Variants in CAMSAP1 observed in about 807,000 individuals in gnomAD.
CAMSAP1 encodes calmodulin regulated spectrin associated protein 1, also known as calmodulin-regulated spectrin-associated protein 1.
CAMSAP1 carries 58 observed loss-of-function variants against 143.5 expected under a neutral mutation model. The ratio of observed to expected loss-of-function variants is 0.40; its 90% CI spans 0.33 to 0.50. CAMSAP1 has a LOEUF of 0.50. Ranked by LOEUF, CAMSAP1 falls within the 20% of genes least tolerant of loss-of-function variation. CAMSAP1 has a pLI of 0.45. For missense variants in CAMSAP1, 1,969 were observed against 2,115.7 expected, an observed-to-expected ratio of 0.93 and a Z score of 1.36; for synonymous variants, 945 against 859.3, an observed-to-expected ratio of 1.10 and a Z score of -1.74.
intron 1 of CAMSAP1, among the ~76,000 whole-genome samples, chr9:135,895,762 G>A (rs560481714): frequency 1.4e-4 from 21 of 152,162 alleles, no homozygotes; most frequent in South Asian, 1.2e-3. Context: ...GAGCAAGGGC[G>A]GCTAAATGGA....
At chr9:135,855,660 G>T (rs1368056080) in intron 5 of CAMSAP1, among the ~76,000 whole-genome samples, 3 of 148,866 alleles carry the variant, frequency 2.0e-5, no homozygotes, top group Non-Finnish European at 4.5e-5. Flanking sequence ...AGAATTGCTT[G>T]AATCCAGGTG....
chr9:135,847,288 G>C (rs1310334108), intron 7 of CAMSAP1, among the ~76,000 whole-genome samples: 2 of 152,120 alleles, frequency 1.3e-5, no homozygotes, highest in African/African-American at 4.8e-5. Context: ...CCGGGAGGTG[G>C]AGCTTGCAGT....
intron 7 of CAMSAP1, among the ~76,000 whole-genome samples, chr9:135,842,882 G>C (rs573891560): frequency 6.6e-6 from 1 of 152,316 alleles, no homozygotes; most frequent in African/African-American, 2.4e-5. Context: ...ACTGCAAAAA[G>C]ATGCCAAATT....
intron 3 of CAMSAP1, among the ~76,000 whole-genome samples, chr9:135,869,511 A>C (rs1001415349): frequency 6.6e-6 from 1 of 152,012 alleles, no homozygotes; most frequent in Non-Finnish European, 1.5e-5. Context: ...TCAAACAAAA[A>C]AAAAAAAAAA....
intron 7 of CAMSAP1, among the ~76,000 whole-genome samples, chr9:135,841,487 C>G (rs974358763): frequency 2.0e-5 from 3 of 152,230 alleles, no homozygotes; most frequent in Admixed American, 6.5e-5. Context: ...CCCAGCACAG[C>G]GCTCAAGCTC....
At chr9:135,875,834 TAGA>T (rs1837728263) in intron 3 of CAMSAP1, among the ~76,000 whole-genome samples, 1 of 152,180 alleles carries the variant, frequency 6.6e-6, no homozygotes, top group Non-Finnish European at 1.5e-5. Flanking sequence ...AAAAAACGTC[TAGA>T]AGAAAACATA....
chr9:135,838,524 T>G (rs911066571), intron 7 of CAMSAP1, among the ~76,000 whole-genome samples: 10 of 148,020 alleles, frequency 6.8e-5, no homozygotes, highest in Non-Finnish European at 1.3e-4. Flanking sequence ...TCACGCACTT[T>G]CCACCCATTC....
At chr9:135,891,613 C>T (rs1243396726) in intron 1 of CAMSAP1, among the ~76,000 whole-genome samples, 3 of 152,194 alleles carry the variant, frequency 2.0e-5, no homozygotes, top group African/African-American at 4.8e-5. Flanking sequence ...GACCCAGAAA[C>T]CAGTCTCACA....
In CAMSAP1 at chr9:135,811,652, G is replaced by A. The variant is rs1449209206; in HGVS notation, c.4507-41C>T. ...AAAGGGGAAGAGACAAACACTTCAG[G>A]GCCACTCCAATTGCCACGAGTTGGG... On this transcript the variant is annotated intron_variant, in intron 16 of 16. Transcript: ENST00000389532. This position sits in a 1 kb window ranked among gnomAD's most constrained non-coding sequence, Gnocchi z 4.9. 6.5e-7 allele frequency: 1 copy of A among 1,539,898 alleles called. No homozygotes were observed. Among genetic ancestry groups the A allele is most frequent in the African/African-American group, 1.4e-5 (1 of 72,958 alleles).
Position 135,864,161 on chromosome 9 carries a change from AC to A in CAMSAP1, c.667-1554del, listed in dbSNP as rs201115674. On this transcript the variant is annotated intron_variant, in intron 4 of 16. Coordinates refer to ENST00000389532, the MANE Select transcript of CAMSAP1 (RefSeq NM_015447.4). The stretch of plus-strand genomic sequence containing the variant: ...CTATCTAATAAAAAAGCATTAAGGG[AC>A]CCACCACCCTTGGTAACATGTTTCT... Among the ~76,000 whole-genome samples the A allele has an allele frequency of 1.7e-3, 256 of 152,122 alleles. 4 individuals carry two copies. Among genetic ancestry groups the A allele is most frequent in the East Asian group, 0.013 (67 of 5,178 alleles).
At chr9:135,890,007 G>A (rs1042104874) in intron 1 of CAMSAP1, among the ~76,000 whole-genome samples, 1 of 152,184 alleles carries the variant, frequency 6.6e-6, no homozygotes, top group Non-Finnish European at 1.5e-5. Context: ...GAGGCATGGA[G>A]CAAAGGTGGG....
chr9:135,829,689 C>T (rs1041680468), intron 7 of CAMSAP1, among the ~76,000 whole-genome samples: 4 of 151,606 alleles, frequency 2.6e-5, no homozygotes, highest in Admixed American at 6.6e-5. Context: ...TCCATGTCTA[C>T]CGAAAAAACA....
chr9:135,867,040 TTAAG>T (rs974761749), intron 3 of CAMSAP1, among the ~76,000 whole-genome samples: 1 of 152,188 alleles, frequency 6.6e-6, no homozygotes, highest in African/African-American at 2.4e-5. Flanking sequence ...TCTTAGAAAT[TTAAG>T]TATTCTCTCC....
intron 7 of CAMSAP1, among the ~76,000 whole-genome samples, chr9:135,848,510 C>T (rs1438553178): frequency 2.0e-5 from 3 of 152,142 alleles, no homozygotes; most frequent in Admixed American, 1.3e-4. Context: ...CCCAGACACA[C>T]ACACACACAC....
chr9:135,836,182 A>C (rs1836027509), intron 7 of CAMSAP1: 1 of 984,966 alleles, frequency 1.0e-6, no homozygotes, highest in Admixed American at 6.2e-5. Flanking sequence ...ACATCACCAC[A>C]TACCTTTACC....
rs1280507655 is a variant in CAMSAP1, at chr9:135,882,024, G to T, written c.424-230C>A. 1.3e-5 allele frequency among the ~76,000 whole-genome samples: 2 copies of T among 152,230 alleles called. No homozygotes were observed. Among genetic ancestry groups the T allele is most frequent in the African/African-American group, 4.8e-5 (2 of 41,454 alleles). On this transcript the variant is annotated intron_variant, in intron 2 of 16. Transcript: ENST00000389532. This position sits in a 1 kb window ranked among gnomAD's most constrained non-coding sequence, Gnocchi z 4.9. ...GTCTGGAACCAGGAGTCCGTTCTCA[G>T]GCAGGCAGGCCAGCCCTGTGGCCCA...
chr9:135,851,037 G>A (rs978631369), intron 5 of CAMSAP1, among the ~76,000 whole-genome samples: 3 of 152,158 alleles, frequency 2.0e-5, no homozygotes, highest in African/African-American at 7.2e-5. Context: ...TCCATTGCAC[G>A]TGACTTTGCA....
At position 135,818,427 on chromosome 9, in the gene CAMSAP1, G is replaced by T. The variant is rs776261849; in HGVS notation, c.4149C>A (p.Gly1383=). ...GCTTACGGGTGGAGGAGCACTTGGT[G>T]CCGGAGTCGCTGCACGACTCTTCCC... ...VHREESCSDS[G]TKCSSTPDNL... Residue 1383 remains glycine (G), a synonymous_variant, in exon 13 of 17, where the codon GGC becomes GGA. Transcript: ENST00000389532. This position sits in a 1 kb window ranked among gnomAD's most constrained non-coding sequence, Gnocchi z 7.7. 7 of 1,589,404 alleles carry T rather than the reference G, an allele frequency of 4.4e-6. No individual in the cohort carries two copies. The highest frequency in any genetic ancestry group is 5.1e-6 in the Non-Finnish European group (6 of 1,173,424).
rs1835346469 is a variant in CAMSAP1, at chr9:135,819,063, G to A, written c.3906C>T (p.Arg1302=). 2.1e-5 allele frequency: 34 copies of A among 1,606,060 alleles called. No individual in the cohort carries two copies. The highest frequency in any genetic ancestry group is 2.7e-5 in the Non-Finnish European group (32 of 1,178,010). ...CCGCTTCCAGCTGCTGCTTGCGCACGCGGGCCTCCTCGGCCTTGCGCTGCT... is the reference window on the plus strand; with the variant it reads ...CCGCTTCCAGCTGCTGCTTGCGCACACGGGCCTCCTCGGCCTTGCGCTGCT... The part of the protein sequence containing the change: ...LKQQRKAEEA[R]VRKQQLEAEV... Residue 1302 remains arginine (R), a synonymous_variant, in exon 12 of 17, where the codon CGC becomes CGT. Coordinates refer to ENST00000389532, the MANE Select transcript of CAMSAP1 (RefSeq NM_015447.4).
Sources: allele counts gnomAD v4.1 joint callset (sites outside exome capture counted in the v4.1 genomes callset), GRCh38; gene constraint gnomAD v4.1.1; non-coding constraint Gnocchi (gnomAD v3.1); transcripts MANE v1.5; gene names NCBI Gene and HGNC (gene_info 2026-07-23, HGNC 2026-07-21).